The following MSANTD2 variants were observed in gnomAD, a reference collection of about 807,000 sequenced individuals.
MSANTD2 encodes the protein Myb/SANT DNA binding domain containing 2, also known as myb/SANT-like DNA-binding domain-containing protein 2.
MSANTD2 carries 19 observed loss-of-function variants against 52.6 expected under a neutral mutation model. The observed-to-expected ratio is 0.36, with a 90% CI of 0.25 to 0.53. The LOEUF (loss-of-function observed/expected upper bound fraction) is 0.53, where lower values mean the gene tolerates loss of function less well. Among genes scored for constraint, MSANTD2 ranks in the 20% least tolerant of loss-of-function variants. The probability of loss-of-function intolerance (pLI) is 0.91; values close to 1 mark genes in which losing one functional copy is unlikely to be tolerated. For missense variants in MSANTD2, 558 were observed against 716.3 expected (o/e 0.78, Z 2.52); for synonymous variants, 291 against 289.7 (o/e 1.00, Z -0.04).
intron 1 of MSANTD2, chr11:124,784,337 T>C: frequency 2.0e-6 from 2 of 985,146 alleles, no homozygotes; most frequent in Non-Finnish European, 2.4e-6. Flanking sequence ...ATACTTTTAT[T>C]AGTATGTGAT....
At position 124,767,701 on chromosome 11, in the gene MSANTD2, G is replaced by A. The variant is rs560756317; in HGVS notation, c.1155C>T (p.Cys385=). The part of the protein sequence containing the change: ...FLEITISEAR[C]LELHMEIDWI... ...AGTCAATTTCCATGTGCAGCTCCAAGCACCTAGCTTCGCTAATAGTGATCT... is the reference window on the plus strand; with the variant it reads ...AGTCAATTTCCATGTGCAGCTCCAAACACCTAGCTTCGCTAATAGTGATCT... The change falls in exon 4 of 4, where the codon TGC becomes TGT. Residue 385 remains cysteine (C), a synonymous_variant. Coordinates refer to ENST00000374979, the MANE Select transcript of MSANTD2 (RefSeq NM_001308027.2). The surrounding 1 kb of genome is among the most constrained non-coding windows in gnomAD (Gnocchi z 6.5). 1 of 1,614,256 alleles carries A rather than the reference G, an allele frequency of 6.2e-7. No individual in the cohort carries two copies. The highest frequency in any genetic ancestry group is 8.5e-7 in the Non-Finnish European group (1 of 1,180,042).
chr11:124,797,005 TATG>T (rs1264725407), intron 1 of MSANTD2, among the ~76,000 whole-genome samples: 2 of 152,240 alleles, frequency 1.3e-5, no homozygotes, highest in Non-Finnish European at 2.9e-5. Flanking sequence ...TGTGTAGGAA[TATG>T]ATTTCAGTGA....
intron 1 of MSANTD2, among the ~76,000 whole-genome samples, chr11:124,786,022 T>C (rs1002948186): frequency 6.6e-6 from 1 of 151,628 alleles, no homozygotes; most frequent in African/African-American, 2.4e-5. Flanking sequence ...AGGAAGCTCA[T>C]AGCTCATTTT....
At position 124,768,037 on chromosome 11, in the gene MSANTD2, AC is replaced by A. The variant is rs1944367379; in HGVS notation, c.828-10del. On this transcript the variant is annotated splice_polypyrimidine_tract_variant and intron_variant, in intron 3 of 3. Coordinates refer to ENST00000374979, the MANE Select transcript of MSANTD2 (RefSeq NM_001308027.2). ...GCATGATGTCTCTCTTCCTGGAAAG[AC>A]AAATAAAAGTCAAATTCCCTAAGTA... 1 of 1,589,430 alleles carries A rather than the reference AC, an allele frequency of 6.3e-7. No individual in the cohort carries two copies. Among genetic ancestry groups the A allele is most frequent in the Non-Finnish European group, 8.6e-7 (1 of 1,165,516 alleles).
At chr11:124,790,530 A>G (rs1314934789) in intron 1 of MSANTD2, 1 of 152,218 alleles carries the variant, frequency 6.6e-6, no homozygotes, top group African/African-American at 2.4e-5. Context: ...TGTATATGAA[A>G]TTTATTCTTG....
rs769655756 is a variant in MSANTD2, at chr11:124,800,307, G to A, written c.74C>T (p.Pro25Leu). The change falls in exon 1 of 4, where the codon CCG becomes CTG. Residue 25 changes from proline (P) to leucine (L), a missense_variant. Physicochemically the swap from Pro to Leu is moderately conservative, Grantham distance 98. Coordinates refer to ENST00000374979, the MANE Select transcript of MSANTD2 (RefSeq NM_001308027.2). This position sits in a 1 kb window ranked among gnomAD's most constrained non-coding sequence, Gnocchi z 4.3. ...GTCGCTCAGGCCACCAGGAGAAGCCGGGGAAAGCACCTCCATCTTCGGAAT... is the reference window on the plus strand; with the variant it reads ...GTCGCTCAGGCCACCAGGAGAAGCCAGGGAAAGCACCTCCATCTTCGGAAT... Reference protein sequence around the residue: ...LKIPKMEVLSPASPGGLSDGN... With the variant: ...LKIPKMEVLSLASPGGLSDGN... 6.4e-7 allele frequency: 1 copy of A among 1,567,652 alleles called. No homozygotes were observed. Among genetic ancestry groups the A allele is most frequent in the East Asian group, 2.6e-5 (1 of 38,624 alleles).
At chr11:124,799,823 C>T in intron 1 of MSANTD2, 48 bp downstream of exon 1, 7 of 1,451,518 alleles carry the variant, frequency 4.8e-6, no homozygotes, top group Non-Finnish European at 5.6e-6. Flanking sequence ...CGCTTCCCCG[C>T]CTTCTCTCTG....
intron 1 of MSANTD2, among the ~76,000 whole-genome samples, chr11:124,787,698 G>A (rs1480469640): frequency 1.3e-5 from 2 of 152,188 alleles, no homozygotes; most frequent in African/African-American, 4.8e-5. Flanking sequence ...ATACCTAGGA[G>A]TACCTATGAA....
intron 1 of MSANTD2, among the ~76,000 whole-genome samples, chr11:124,786,755 T>A (rs1167743949): frequency 6.6e-6 from 1 of 152,244 alleles, no homozygotes; most frequent in Non-Finnish European, 1.5e-5. Flanking sequence ...TTCATTTCAA[T>A]GACAAGAAAT....
chr11:124,784,278 C>T, intron 1 of MSANTD2: 1 of 985,334 alleles, frequency 1.0e-6, no homozygotes, highest in Non-Finnish European at 1.2e-6. Context: ...TTTCTCAGTT[C>T]ACACCTTGGG....
Position 124,779,658 on chromosome 11 carries a change from G to A in MSANTD2, c.511-4684C>T, listed in dbSNP as rs1944880650. On this transcript the variant is annotated intron_variant, in intron 1 of 3. Transcript: ENST00000374979. The surrounding 1 kb of genome is among the most constrained non-coding windows in gnomAD (Gnocchi z 4.6). The stretch of plus-strand genomic sequence containing the variant: ...GAGGACAGCTTAGTTATAATAGCAG[G>A]AAACAATGTTACAAGAAAAAACAAG... 6.6e-6 allele frequency among the ~76,000 whole-genome samples: 1 copy of A among 152,180 alleles called. No homozygotes were observed.
At chr11:124,781,889 G>C (rs1223078718) in intron 1 of MSANTD2, among the ~76,000 whole-genome samples, 1 of 152,100 alleles carries the variant, frequency 6.6e-6, no homozygotes, top group African/African-American at 2.4e-5. Flanking sequence ...CTGACCTCAG[G>C]TGATCTGCCT....
intron 1 of MSANTD2, among the ~76,000 whole-genome samples, chr11:124,780,042 T>C (rs1453484916): frequency 6.6e-6 from 1 of 152,240 alleles, no homozygotes; most frequent in South Asian, 2.1e-4. Context: ...TCTTAGTTAA[T>C]TGAGGCAACG....
intron 1 of MSANTD2, among the ~76,000 whole-genome samples, chr11:124,780,903 C>A (rs1010544529): frequency 6.6e-6 from 1 of 152,178 alleles, no homozygotes; most frequent in Non-Finnish European, 1.5e-5. Flanking sequence ...CATACAAGGG[C>A]CGGGTGCGGT....
intron 2 of MSANTD2, among the ~76,000 whole-genome samples, chr11:124,773,987 A>G (rs1056745280): frequency 6.6e-6 from 1 of 152,128 alleles, no homozygotes; most frequent in Admixed American, 6.5e-5. Flanking sequence ...GGAGCATGTA[A>G]TGCGCAAAGA....
intron 1 of MSANTD2, chr11:124,792,060 A>G (rs566582885): frequency 2.6e-5 from 4 of 155,240 alleles, no homozygotes; most frequent in African/African-American, 9.6e-5. Flanking sequence ...ATGTCATGAA[A>G]CTACTAGGTC....
chr11:124,773,837 G>C (rs986685199), intron 2 of MSANTD2, among the ~76,000 whole-genome samples: 4 of 152,112 alleles, frequency 2.6e-5, no homozygotes, highest in Admixed American at 6.5e-5. Flanking sequence ...TACTTCCTTG[G>C]GGGCTGCCTG....
rs1336488544 is a variant in MSANTD2, at chr11:124,768,024, T to C, written c.832A>G (p.Arg278Gly). 2 of 1,597,536 alleles carry C rather than the reference T, an allele frequency of 1.3e-6. No homozygotes were observed. The highest frequency in any genetic ancestry group is 1.7e-6 in the Non-Finnish European group (2 of 1,168,794). Reference protein sequence around the residue: ...KQESSEEAQKRDIMQNIVQIL... With the variant: ...KQESSEEAQKGDIMQNIVQIL... ...TGTACAATATTCTGCATGATGTCTCTCTTCCTGGAAAGACAAATAAAAGTC... is the reference window on the plus strand; with the variant it reads ...TGTACAATATTCTGCATGATGTCTCCCTTCCTGGAAAGACAAATAAAAGTC... Residue 278 changes from arginine (R) to glycine (G), a missense_variant, in exon 4 of 4, where the codon AGA becomes GGA. By Grantham distance (125) the Arg-to-Gly change is moderately radical (BLOSUM62 -2). This residue lies in a region of MSANTD2 where 408 missense variants were observed against 573.6 expected (regional missense o/e 0.71). Transcript: ENST00000374979.
At chr11:124,790,553 C>T (rs1045429219) in intron 1 of MSANTD2, 2 of 152,238 alleles carry the variant, frequency 1.3e-5, no homozygotes, top group Non-Finnish European at 2.9e-5. Flanking sequence ...TCTCCATCTT[C>T]GTTACCACTG....
Sources: allele counts gnomAD v4.1 joint callset (sites outside exome capture counted in the v4.1 genomes callset), GRCh38; gene constraint gnomAD v4.1.1; regional missense constraint gnomAD v4.1.1; non-coding constraint Gnocchi (gnomAD v3.1); transcripts MANE v1.5; gene names NCBI Gene and HGNC (gene_info 2026-07-23, HGNC 2026-07-21).